Variants in OSBPL3 observed in about 807,000 individuals in gnomAD.
The protein encoded by OSBPL3 is oxysterol-binding protein-related protein 3.
Under a neutral mutation model 120.1 loss-of-function variants are expected in OSBPL3, and 65 were observed. The observed-to-expected ratio is 0.54, with a 90% CI of 0.44 to 0.67. The LOEUF is 0.67. OSBPL3 is among the 30% of genes least tolerant of loss of function. OSBPL3 has a pLI of 0.00. For synonymous variants in OSBPL3, 416 were observed against 402.6 expected (o/e 1.03, Z -0.40); for missense variants, 1,004 against 1,082.1 (o/e 0.93, Z 1.01).
rs1194348463 is a variant in OSBPL3 at position 24,891,353 on chromosome 7, G to A, written c.96+1024C>T. 6.6e-6 allele frequency among the ~76,000 whole-genome samples: 1 copy of A among 152,146 alleles called. No homozygotes were observed. Among genetic ancestry groups the A allele is most frequent in the African/African-American group, 2.4e-5 (1 of 41,428 alleles). Reference sequence around the variant, plus strand: ...ATTTCCTGGAATCACAGATTCATGGGTGGCAAAGCTCCTTATCCCAGGCAA... The same window carrying A: ...ATTTCCTGGAATCACAGATTCATGGATGGCAAAGCTCCTTATCCCAGGCAA... On this transcript the variant is annotated intron_variant, in intron 2 of 22. Coordinates refer to ENST00000313367, the MANE Select transcript of OSBPL3 (RefSeq NM_015550.4). This position sits in a 1 kb window ranked among gnomAD's most constrained non-coding sequence, Gnocchi z 4.1.
rs1407220626 is a variant in OSBPL3, at chr7:24,849,065, C to G, written c.1266+4G>C. ...AGACATTACCAGACGAGAAACCTAC[C>G]CACCTCTGCCAGATTGTCACCCGAC... On this transcript the variant is annotated splice_donor_region_variant and intron_variant, in intron 12 of 22. Transcript: ENST00000313367. The surrounding 1 kb of genome is among the most constrained non-coding windows in gnomAD (Gnocchi z 5.4). 6.2e-7 allele frequency: 1 copy of G among 1,608,120 alleles called. No individual in the cohort carries two copies. Among genetic ancestry groups the G allele is most frequent in the Non-Finnish European group, 8.5e-7 (1 of 1,175,052 alleles).
In OSBPL3 at chr7:24,861,515, A is replaced by C. The variant is rs1244745154; in HGVS notation, c.1027+98T>G. Reference sequence around the variant, plus strand: ...TCCCTAAATCTTAATAGAGCAGAAAATGAACCAACTAAGATACTCTCTCTA... The same window carrying C: ...TCCCTAAATCTTAATAGAGCAGAAACTGAACCAACTAAGATACTCTCTCTA... On this transcript the variant is annotated intron_variant, in intron 10 of 22. Coordinates refer to ENST00000313367, the MANE Select transcript of OSBPL3 (RefSeq NM_015550.4). 9.4e-6 allele frequency: 7 copies of C among 745,712 alleles called. No homozygotes were observed. In the Admixed American group the frequency reaches 1.4e-4, roughly 15 times the overall value. The allele number at this position is 745,712 out of a possible 1,614,324, so 46.2% of individuals were successfully genotyped here.
At chr7:24,810,110 A>T (rs1190289876) in intron 19 of OSBPL3, 159 bp from the exon 20 acceptor site, 2 of 669,652 alleles carry the variant, frequency 3.0e-6, no homozygotes, top group Non-Finnish European at 5.1e-6. Flanking sequence ...ACCGACAAAT[A>T]AAAAATTTAT....
At chr7:24,801,744 C>T (rs1792387303) in intron 22 of OSBPL3, among the ~76,000 whole-genome samples, 1 of 152,188 alleles carries the variant, frequency 6.6e-6, no homozygotes, top group Non-Finnish European at 1.5e-5. Flanking sequence ...TGCATAATAG[C>T]TACTGAATGA....
rs1172256765 is a variant in OSBPL3 at position 24,849,958 on chromosome 7, A to T, written c.1159-782T>A. Among the ~76,000 whole-genome samples, 1 of 151,912 alleles carries T rather than the reference A, an allele frequency of 6.6e-6. No individual in the cohort carries two copies. Among genetic ancestry groups the T allele is most frequent in the East Asian group, 1.9e-4 (1 of 5,182 alleles). On this transcript the variant is annotated intron_variant, in intron 11 of 22. Transcript: ENST00000313367. This position sits in a 1 kb window ranked among gnomAD's most constrained non-coding sequence, Gnocchi z 5.4. ...GACCCTGTCTCACGAAAAAAAAAAA[A>T]AGAAATAAAGAAAGTGTGCTGTGTG...
chr7:24,869,517 C>T (rs910929612), intron 5 of OSBPL3, among the ~76,000 whole-genome samples: 4 of 152,158 alleles, frequency 2.6e-5, no homozygotes, highest in African/African-American at 7.2e-5. Context: ...CTAGGGAACA[C>T]CTGGCAATGT....
At chr7:24,809,087 T>C (rs1793434095) in intron 20 of OSBPL3, among the ~76,000 whole-genome samples, 1 of 152,152 alleles carries the variant, frequency 6.6e-6, no homozygotes, top group South Asian at 2.1e-4. Context: ...CCCACTCACT[T>C]ACTGTTGTGT....
chr7:24,815,163 T>C lies in OSBPL3; in HGVS notation c.2068A>G (p.Ile690Val). 1 of 1,613,708 alleles carries C rather than the reference T, an allele frequency of 6.2e-7. No homozygotes were observed. Among genetic ancestry groups the C allele is most frequent in the Non-Finnish European group, 8.5e-7 (1 of 1,179,604 alleles). The change falls in exon 19 of 23, where the codon ATC becomes GTC. Residue 690 changes from isoleucine to valine, a missense_variant. Coordinates refer to ENST00000313367, the MANE Select transcript of OSBPL3 (RefSeq NM_015550.4). This position sits in a 1 kb window ranked among gnomAD's most constrained non-coding sequence, Gnocchi z 5.1. Reference protein sequence around the residue: ...HFEWNKVTSCIHNILSGQRWI... With the variant: ...HFEWNKVTSCVHNILSGQRWI... ...CTCTGCCCGCTTAAGATGTTATGGA[T>C]GCAAGAGGTCACTTTGTTCCACTCA... is the stretch of plus-strand genomic sequence containing the variant.
chr7:24,904,459 A>T (rs1807556601), intron 1 of OSBPL3, among the ~76,000 whole-genome samples: 1 of 152,238 alleles, frequency 6.6e-6, no homozygotes, highest in African/African-American at 2.4e-5. Flanking sequence ...AACACAGTAC[A>T]GCAACTATTT....
Position 24,805,113 on chromosome 7 carries a change from G to A in OSBPL3, c.2445-676C>T, listed in dbSNP as rs1011885541. ...ATCTGTAGGAGAAATTTCTAGAAGT[G>A]AAATTGCTGGATGAAAGGGTGAGTG... On this transcript the variant is annotated intron_variant, in intron 21 of 22. Coordinates refer to ENST00000313367, the MANE Select transcript of OSBPL3 (RefSeq NM_015550.4). The surrounding 1 kb of genome is among the most constrained non-coding windows in gnomAD (Gnocchi z 4.0). Among the ~76,000 whole-genome samples, 1 of 152,180 alleles carries A rather than the reference G, an allele frequency of 6.6e-6. No homozygotes were observed. The highest frequency in any genetic ancestry group is 1.5e-5 in the Non-Finnish European group (1 of 68,020).
chr7:24,980,635 C>G (rs190479278), upstream of OSBPL3, among the ~76,000 whole-genome samples: 435 of 151,958 alleles, frequency 2.9e-3, 2 homozygotes, highest in African/African-American at 1.0e-2. Context: ...CTCGACCTCC[C>G]GAGAAAGTCA....
At chr7:24,917,229 T>C (rs1382870761) in intron 1 of OSBPL3, among the ~76,000 whole-genome samples, 1 of 151,770 alleles carries the variant, frequency 6.6e-6, no homozygotes, top group South Asian at 2.1e-4. Context: ...TTGTTCTCCA[T>C]CTTAAGGGGT....
rs957927642 is a variant in OSBPL3, at chr7:24,819,207, C to G, written c.1948+968G>C. Among the ~76,000 whole-genome samples, 1 of 148,566 alleles carries G rather than the reference C, an allele frequency of 6.7e-6. No individual in the cohort carries two copies. Among genetic ancestry groups the G allele is most frequent in the Admixed American group, 6.7e-5 (1 of 14,822 alleles). Reference sequence around the variant, plus strand: ...GACGGAGGTTGCAGTGAGCCGAGATCGCACCACTGCACTCCAGCCTAGCAA... The same window carrying G: ...GACGGAGGTTGCAGTGAGCCGAGATGGCACCACTGCACTCCAGCCTAGCAA... On this transcript the variant is annotated intron_variant, in intron 17 of 22. Coordinates refer to ENST00000313367, the MANE Select transcript of OSBPL3 (RefSeq NM_015550.4). This position sits in a 1 kb window ranked among gnomAD's most constrained non-coding sequence, Gnocchi z 4.1.
In OSBPL3 at chr7:24,933,125, C is replaced by A. The variant is rs1476895421; in HGVS notation, c.-149-40504G>T. On this transcript the variant is annotated intron_variant, in intron 1 of 22. Transcript: ENST00000313367. This position sits in a 1 kb window ranked among gnomAD's most constrained non-coding sequence, Gnocchi z 5.1. ...TAATAACAGGCCACGCACGCAGACGCCTGCAGAACTGGGACCCAGCTGAGA... is the reference window on the plus strand; with the variant it reads ...TAATAACAGGCCACGCACGCAGACGACTGCAGAACTGGGACCCAGCTGAGA... 2.6e-5 allele frequency among the ~76,000 whole-genome samples: 4 copies of A among 152,234 alleles called. No individual in the cohort carries two copies. The highest frequency in any genetic ancestry group is 9.6e-5 in the African/African-American group (4 of 41,458).
In OSBPL3 at chr7:24,933,146, T is replaced by C. The variant is rs528885440; in HGVS notation, c.-149-40525A>G. Among the ~76,000 whole-genome samples, 2 of 152,282 alleles carry C rather than the reference T, an allele frequency of 1.3e-5. No individual in the cohort carries two copies. The highest frequency in any genetic ancestry group is 4.8e-5 in the African/African-American group (2 of 41,550). The stretch of plus-strand genomic sequence containing the variant: ...GACGCCTGCAGAACTGGGACCCAGC[T>C]GAGAGGGGGGTTCGCTGCTCAAGGT... On this transcript the variant is annotated intron_variant, in intron 1 of 22. Transcript: ENST00000313367. This position sits in a 1 kb window ranked among gnomAD's most constrained non-coding sequence, Gnocchi z 5.1.
At chr7:24,878,428 G>A (rs1803152995) in intron 2 of OSBPL3, among the ~76,000 whole-genome samples, 1 of 152,172 alleles carries the variant, frequency 6.6e-6, no homozygotes, top group Non-Finnish European at 1.5e-5. Context: ...CTTAAATCAT[G>A]TAATTTAATG....
rs1165855789 is a variant in OSBPL3, at chr7:24,918,305, A to G, written c.-149-25684T>C. 6.6e-6 allele frequency among the ~76,000 whole-genome samples: 1 copy of G among 152,208 alleles called. No homozygotes were observed. The highest frequency in any genetic ancestry group is 1.5e-5 in the Non-Finnish European group (1 of 68,024). On this transcript the variant is annotated intron_variant, in intron 1 of 22. Coordinates refer to ENST00000313367, the MANE Select transcript of OSBPL3 (RefSeq NM_015550.4). The surrounding 1 kb of genome is among the most constrained non-coding windows in gnomAD (Gnocchi z 4.3). ...TTCCCTCCTTGGTTCTCATGACCAC[A>G]TAACTGTGCCATCCCCAACATCCCA...
chr7:24,888,091 G>T (rs1562887026), intron 2 of OSBPL3, among the ~76,000 whole-genome samples: 1 of 151,840 alleles, frequency 6.6e-6, no homozygotes, highest in Non-Finnish European at 1.5e-5. Context: ...TATTTTAGTG[G>T]GCTTTTGTAC....
At chr7:24,882,546 T>C (rs534256733) in intron 2 of OSBPL3, among the ~76,000 whole-genome samples, 329 of 152,358 alleles carry the variant, frequency 2.2e-3, no homozygotes, top group African/African-American at 7.6e-3. Flanking sequence ...TAAATACTGA[T>C]GCAATAAACA....
Sources: gnomAD v4.1 joint callset for allele counts (sites outside exome capture counted in the v4.1 genomes callset) on GRCh38, gnomAD v4.1.1 for gene constraint, Gnocchi (gnomAD v3.1) non-coding constraint, MANE v1.5 for transcripts, NCBI Gene and HGNC (gene_info 2026-07-23, HGNC 2026-07-21) for gene names.